The following SLC37A3 variants were observed in gnomAD, a reference collection of about 807,000 sequenced individuals.
SLC37A3 encodes solute carrier family 37 member 3.
SLC37A3 carries 51 observed loss-of-function variants against 67.1 expected under a neutral mutation model. The ratio of observed to expected loss-of-function variants is 0.76; its 90% CI spans 0.61 to 0.96. The LOEUF is 0.96. SLC37A3 is among the 40% of genes least tolerant of loss of function. The pLI, the probability that SLC37A3 is intolerant of heterozygous loss-of-function variation, is 0.00. For synonymous variants in SLC37A3, 214 were observed against 231.4 expected, an observed-to-expected ratio of 0.92 and a Z score of 0.68; for missense variants, 508 against 603.0, an observed-to-expected ratio of 0.84 and a Z score of 1.65.
chr7:140,363,131 C>G (rs1333681716), intron 5 of SLC37A3, among the ~76,000 whole-genome samples: 1 of 87,344 alleles, frequency 1.1e-5, no homozygotes, highest in African/African-American at 4.2e-5. Flanking sequence ...CGCTTCTGCC[C>G]GGCCGCCCCT....
At position 140,364,509 on chromosome 7, in the gene SLC37A3, T is replaced by G. The variant is rs2117173080; in HGVS notation, c.292-18A>C. On this transcript the variant is annotated intron_variant, in intron 4 of 14. Coordinates refer to ENST00000326232, the MANE Select transcript of SLC37A3 (RefSeq NM_207113.3). The stretch of plus-strand genomic sequence containing the variant: ...AATAGGCCCTAAAAATAAAGCATTT[T>G]CTTTTACAGCTCTAAATAATAACAC... 4.3e-6 allele frequency: 7 copies of G among 1,610,380 alleles called. No individual in the cohort carries two copies. Among genetic ancestry groups the G allele is most frequent in the Non-Finnish European group, 5.9e-6 (7 of 1,177,532 alleles).
intron 1 of SLC37A3, among the ~76,000 whole-genome samples, chr7:140,383,829 G>A (rs1223679248): frequency 1.3e-5 from 2 of 152,012 alleles, no homozygotes; most frequent in African/African-American, 4.8e-5. Context: ...AGCATGAGCC[G>A]CCATGCCTGG....
In SLC37A3 at chr7:140,352,101, C is replaced by T. The variant is rs74787730; in HGVS notation, c.664G>A (p.Val222Ile). ...GACACCAGGAGTCCAAAGAAGATAA[C>T]GATCCCACCAGCAAACTGCACAGAC... ...TASVQFAGGIVIFFGLLVSPE... is the reference protein window; with the variant it reads ...TASVQFAGGIIIFFGLLVSPE... Residue 222 changes from valine (V) to isoleucine (I), a missense_variant, in exon 8 of 15, where the codon GTT becomes ATT. Coordinates refer to ENST00000326232, the MANE Select transcript of SLC37A3 (RefSeq NM_207113.3). 3.1e-5 allele frequency: 50 copies of T among 1,613,322 alleles called. No homozygotes were observed. Among genetic ancestry groups the T allele is most frequent in the Middle Eastern group, 1.7e-4 (1 of 6,060 alleles).
At chr7:140,393,087 G>A (rs375781092) in intron 1 of SLC37A3, among the ~76,000 whole-genome samples, 45 of 151,584 alleles carry the variant, frequency 3.0e-4, no homozygotes, top group African/African-American at 1.0e-3. Flanking sequence ...GCAAGACTCC[G>A]TCCCAAAAAA....
In SLC37A3 at chr7:140,351,367, T is replaced by C. The variant is rs1291325749; in HGVS notation, c.788A>G (p.Tyr263Cys). 6.2e-7 allele frequency: 1 copy of C among 1,614,210 alleles called. No homozygotes were observed. The highest frequency in any genetic ancestry group is 2.2e-5 in the East Asian group (1 of 44,878). ...LINGGENEDE[Y>C]EPNYSIQDDS... ...ATCTTGGATTGAATAATTCGGCTCA[T>C]ATTCGTCTTCATTTTCACCACCATT... The change falls in exon 9 of 15, where the codon TAT (tyrosine) becomes TGT (cysteine). Residue 263 changes from tyrosine to cysteine, a missense_variant. Physicochemically the swap from Tyr to Cys is radical, Grantham distance 194. Transcript: ENST00000326232.
intron 13 of SLC37A3, among the ~76,000 whole-genome samples, chr7:140,342,726 C>A (rs939120120): frequency 1.3e-5 from 2 of 151,824 alleles, no homozygotes; most frequent in African/African-American, 4.8e-5. Context: ...GTAGGCCAAT[C>A]TTAGTGTAGG....
chr7:140,393,047 G>A (rs1353403728), intron 1 of SLC37A3, among the ~76,000 whole-genome samples: 2 of 151,918 alleles, frequency 1.3e-5, no homozygotes, highest in African/African-American at 2.4e-5. Flanking sequence ...AGCTGAGATC[G>A]CGCCACTGTA....
At chr7:140,378,915 T>TG (rs1798137471) in intron 3 of SLC37A3, among the ~76,000 whole-genome samples, 1 of 143,850 alleles carries the variant, frequency 7.0e-6, no homozygotes, top group Non-Finnish European at 1.5e-5. Flanking sequence ...GGCTTGGTGG[T>TG]GCATGCCTGT....
At chr7:140,365,244 T>C (rs1797551683) in intron 4 of SLC37A3, among the ~76,000 whole-genome samples, 1 of 152,144 alleles carries the variant, frequency 6.6e-6, no homozygotes, top group Admixed American at 6.6e-5. Context: ...ATATATAAAA[T>C]ATCTTGACTG....
At chr7:140,382,945 T>C (rs570581980) in intron 1 of SLC37A3, among the ~76,000 whole-genome samples, 4 of 152,226 alleles carry the variant, frequency 2.6e-5, no homozygotes, top group South Asian at 4.1e-4. Flanking sequence ...CCACTAGTAA[T>C]ATTAGAAATG....
At chr7:140,360,716 A>T (rs1257847310) in intron 5 of SLC37A3, among the ~76,000 whole-genome samples, 1 of 145,952 alleles carries the variant, frequency 6.9e-6, no homozygotes, top group Non-Finnish European at 1.5e-5. Context: ...CTTGGGTGAC[A>T]GAGCAAGACT....
chr7:140,335,285 G>A lies in SLC37A3; in HGVS notation c.*127C>T, dbSNP rs1158312465. 6.2e-7 allele frequency: 1 copy of A among 1,614,062 alleles called. No individual in the cohort carries two copies. The highest frequency in any genetic ancestry group is 8.5e-7 in the Non-Finnish European group (1 of 1,180,042). On this transcript the variant is annotated 3_prime_UTR_variant, in exon 15 of 15. Transcript: ENST00000326232. ...TGGTCAGCATCTCAGGTGGCTGGCA[G>A]TGTTGAGAGACGCCTGACAATCCAA...
In SLC37A3 at chr7:140,380,356, T is replaced by C; in HGVS notation, c.124A>G (p.Ser42Gly). The C allele has an allele frequency of 6.2e-7, 1 of 1,613,396 alleles. No individual in the cohort carries two copies. The highest frequency in any genetic ancestry group is 1.3e-5 in the African/African-American group (1 of 75,034). The part of the protein sequence containing the change: ...SLLHASRKTF[S>G]NVKVSISEQW... ...TCAGAGATACTGACTTTGACATTGCTAAATGTTTTTCGTGAAGCATGGAGC... is the reference window on the plus strand; with the variant it reads ...TCAGAGATACTGACTTTGACATTGCCAAATGTTTTTCGTGAAGCATGGAGC... The change falls in exon 3 of 15, where the codon AGC becomes GGC. Residue 42 changes from serine (S) to glycine (G), a missense_variant. By Grantham distance (56) the Ser-to-Gly change is moderately conservative (BLOSUM62 0). Coordinates refer to ENST00000326232, the MANE Select transcript of SLC37A3 (RefSeq NM_207113.3).
chr7:140,353,671 A>G (rs1796905336), intron 7 of SLC37A3, among the ~76,000 whole-genome samples: 1 of 151,834 alleles, frequency 6.6e-6, no homozygotes, highest in African/African-American at 2.4e-5. Flanking sequence ...GGCATTCAAT[A>G]CACAGTTTTG....
intron 5 of SLC37A3, among the ~76,000 whole-genome samples, chr7:140,359,563 A>G (rs1797182649): frequency 6.6e-6 from 1 of 152,122 alleles, no homozygotes; most frequent in South Asian, 2.1e-4. Context: ...GAGTTAATCA[A>G]CGAAAGCGAA....
chr7:140,392,675 G>T (rs1327490660), intron 1 of SLC37A3, among the ~76,000 whole-genome samples: 2 of 152,210 alleles, frequency 1.3e-5, no homozygotes, highest in African/African-American at 4.8e-5. Context: ...GGGAGGGACA[G>T]GGCTGACAGA....
At chr7:140,336,793 T>G (rs766386591) in intron 14 of SLC37A3, among the ~76,000 whole-genome samples, 1 of 152,104 alleles carries the variant, frequency 6.6e-6, no homozygotes, top group Non-Finnish European at 1.5e-5. Context: ...AGAGCCTTTT[T>G]CTTCCTCACA....
chr7:140,347,247 C>CAAAA (rs554765652), intron 10 of SLC37A3, among the ~76,000 whole-genome samples: 2 of 71,624 alleles, frequency 2.8e-5, no homozygotes, highest in African/African-American at 9.8e-5. Flanking sequence ...CCCCCATCTC[C>CAAAA]AAAAAAAAAA....
chr7:140,363,740 C>CAAAAAAAAAAAA (rs71170980), intron 5 of SLC37A3, among the ~76,000 whole-genome samples: 1 of 107,862 alleles, frequency 9.3e-6, no homozygotes, highest in African/African-American at 3.6e-5. Flanking sequence ...AACTCCGCCT[C>CAAAAAAAAAAAA]AAAAAAAAAA....
Sources: allele counts gnomAD v4.1 joint callset (sites outside exome capture counted in the v4.1 genomes callset), GRCh38; gene constraint gnomAD v4.1.1; transcripts MANE v1.5; gene names NCBI Gene and HGNC (gene_info 2026-07-23, HGNC 2026-07-21).